The following LRMDA variants were observed in gnomAD, a reference collection of about 807,000 sequenced individuals.
The protein encoded by LRMDA is leucine-rich melanocyte differentiation-associated protein.
In LRMDA, 18 loss-of-function variants were observed where a neutral mutation model predicts 29.8. That is an observed-to-expected ratio of 0.60 (90% CI 0.42 to 0.90). The LOEUF (loss-of-function observed/expected upper bound fraction) is 0.90. Among genes scored for constraint, LRMDA ranks in the 40% least tolerant of loss-of-function variants. The pLI is 0.00. For synonymous variants in LRMDA, 125 were observed against 109.4 expected, an observed-to-expected ratio of 1.14 and a Z score of -0.89; for missense variants, 273 against 273.9, an observed-to-expected ratio of 1.00 and a Z score of 0.02.
At chr10:76,425,607 A>G (rs1015014496) in intron 6 of LRMDA, among the ~76,000 whole-genome samples, 2 of 151,548 alleles carry the variant, frequency 1.3e-5, no homozygotes, top group African/African-American at 4.8e-5. Context: ...TTTTTCATAT[A>G]TATTTTTTAT....
intron 5 of LRMDA, among the ~76,000 whole-genome samples, chr10:76,292,481 C>G (rs367890041): frequency 6.6e-6 from 1 of 152,196 alleles, no homozygotes; most frequent in East Asian, 1.9e-4. Context: ...AAATTGTTGC[C>G]TTGAATGGGC....
At chr10:76,031,544 C>G (rs1465746362) in intron 2 of LRMDA, among the ~76,000 whole-genome samples, 1 of 152,066 alleles carries the variant, frequency 6.6e-6, no homozygotes, top group East Asian at 1.9e-4. Context: ...TAACAGCTTT[C>G]TAGGAGTATG....
intron 6 of LRMDA, among the ~76,000 whole-genome samples, chr10:76,478,713 A>G (rs1250301562): frequency 6.6e-6 from 1 of 152,132 alleles, no homozygotes; most frequent in Non-Finnish European, 1.5e-5. Context: ...AATACTATGC[A>G]GCCATAAAAA....
At chr10:76,520,086 T>C (rs1202670901) in intron 6 of LRMDA, among the ~76,000 whole-genome samples, 2 of 152,178 alleles carry the variant, frequency 1.3e-5, no homozygotes, top group African/African-American at 4.8e-5. Context: ...CGTTGTCTAA[T>C]AGTTACTTTT....
At chr10:76,201,018 A>AT (rs980358266) in intron 5 of LRMDA, among the ~76,000 whole-genome samples, 26 of 148,370 alleles carry the variant, frequency 1.8e-4, no homozygotes, top group South Asian at 1.3e-3. Context: ...TGCCTGGCCA[A>AT]TTTTTTTTAT....
chr10:75,660,425 C>T (rs1231469184), intron 2 of LRMDA, among the ~76,000 whole-genome samples: 2 of 152,218 alleles, frequency 1.3e-5, no homozygotes, highest in Non-Finnish European at 2.9e-5. Flanking sequence ...ACGGCTCTGA[C>T]ACCTGCCTGC....
chr10:76,024,259 G>A (rs184204549), intron 2 of LRMDA, among the ~76,000 whole-genome samples: 6 of 152,316 alleles, frequency 3.9e-5, no homozygotes, highest in Admixed American at 3.9e-4. Context: ...AATAGCCTTG[G>A]TTCAGTGCTG....
intron 2 of LRMDA, among the ~76,000 whole-genome samples, chr10:75,936,520 C>G (rs1846297004): frequency 6.6e-6 from 1 of 152,068 alleles, no homozygotes; most frequent in Admixed American, 6.6e-5. Flanking sequence ...CCGCACATAT[C>G]TTTTTGCTTC....
At chr10:75,439,340 G>GA (rs1844300082) in intron 2 of LRMDA, among the ~76,000 whole-genome samples, 1 of 152,158 alleles carries the variant, frequency 6.6e-6, no homozygotes, top group Admixed American at 6.5e-5. Context: ...CTCTGAGTGG[G>GA]ACAGACTGTC....
intron 2 of LRMDA, among the ~76,000 whole-genome samples, chr10:75,843,137 A>G (rs1215541127): frequency 6.6e-6 from 1 of 152,248 alleles, no homozygotes; most frequent in Admixed American, 6.5e-5. Flanking sequence ...GCCTGGCACA[A>G]TGCCTGGGAA....
intron 5 of LRMDA, among the ~76,000 whole-genome samples, chr10:76,165,220 G>A (rs1461464030): frequency 1.3e-5 from 2 of 152,180 alleles, no homozygotes; most frequent in Non-Finnish European, 2.9e-5. Context: ...TGATCCATCC[G>A]CCTCGGCCTC....
intron 5 of LRMDA, among the ~76,000 whole-genome samples, chr10:76,229,915 T>C (rs2132271072): frequency 6.6e-6 from 1 of 152,264 alleles, no homozygotes; most frequent in East Asian, 1.9e-4. Flanking sequence ...TTCACCCAAC[T>C]CCTGAGATCT....
At chr10:76,319,068 C>G (rs1840736617) in intron 5 of LRMDA, 1 of 152,290 alleles carries the variant, frequency 6.6e-6, no homozygotes, top group Non-Finnish European at 1.5e-5. Flanking sequence ...CGCCACCATG[C>G]CTGGAGAAGT....
chr10:76,208,917 GC>G (rs1452769963), intron 5 of LRMDA, among the ~76,000 whole-genome samples: 3 of 152,090 alleles, frequency 2.0e-5, no homozygotes, highest in African/African-American at 7.2e-5. Context: ...ACTTTGGGAG[GC>G]CGAGGAGGGC....
At chr10:75,531,541 G>A (rs911127544) in intron 2 of LRMDA, among the ~76,000 whole-genome samples, 9 of 152,168 alleles carry the variant, frequency 5.9e-5, no homozygotes, top group African/African-American at 2.2e-4. Flanking sequence ...AGAATATGTG[G>A]TGATGACTGG....
chr10:75,973,387 C>T (rs1469010265), intron 2 of LRMDA, among the ~76,000 whole-genome samples: 1 of 150,836 alleles, frequency 6.6e-6, no homozygotes, highest in African/African-American at 2.4e-5. Flanking sequence ...ATCATAATGA[C>T]CTGCTGGACA....
chr10:76,110,681 C>T (rs564851328), intron 5 of LRMDA, among the ~76,000 whole-genome samples: 1 of 152,256 alleles, frequency 6.6e-6, no homozygotes, highest in South Asian at 2.1e-4. Flanking sequence ...TCAGGGGTTT[C>T]CACTTTTGCT....
At chr10:76,265,812 A>T (rs537093769) in intron 5 of LRMDA, among the ~76,000 whole-genome samples, 16 of 152,324 alleles carry the variant, frequency 1.1e-4, no homozygotes, top group African/African-American at 3.6e-4. Context: ...ACTAATTTAC[A>T]AACCAAAAGA....
chr10:76,425,353 C>CT (rs961209142), intron 6 of LRMDA, among the ~76,000 whole-genome samples: 6 of 150,546 alleles, frequency 4.0e-5, no homozygotes, highest in East Asian at 2.0e-4. Flanking sequence ...AATTTTTTTT[C>CT]TTTTTTTTTC....
Sources: allele counts gnomAD v4.1 joint callset (sites outside exome capture counted in the v4.1 genomes callset), GRCh38; gene constraint gnomAD v4.1.1; transcripts MANE v1.5; gene names NCBI Gene and HGNC (gene_info 2026-07-23, HGNC 2026-07-21).